The following DPP6 variants were observed in gnomAD, a reference collection of about 807,000 sequenced individuals.
DPP6 encodes dipeptidyl peptidase like 6.
In DPP6, 69 loss-of-function variants were observed where a neutral mutation model predicts 122.6. The observed-to-expected ratio is 0.56, with a 90% CI of 0.46 to 0.69. DPP6 has a LOEUF of 0.69. DPP6 is among the 30% of genes least tolerant of loss of function. The pLI is 0.00. For missense variants in DPP6, 928 were observed against 1,116.9 expected (o/e 0.83, Z 2.41); for synonymous variants, 418 against 433.1 (o/e 0.97, Z 0.43).
At position 154,052,804 on chromosome 7, in the gene DPP6, C is replaced by G. The variant is rs1380172077; in HGVS notation, c.-17C>G. On this transcript the variant is annotated 5_prime_UTR_variant, in exon 1 of 26. Coordinates refer to ENST00000377770, the MANE Select transcript of DPP6 (RefSeq NM_130797.4). This position sits in a 1 kb window ranked among gnomAD's most constrained non-coding sequence, Gnocchi z 4.8. ...ATTAAAAAGCCCCAAAGACAGCCAG[C>G]AGGAGCGCGGTGCCCGATGGCTTCG... 3.3e-6 allele frequency: 5 copies of G among 1,510,140 alleles called. No individual in the cohort carries two copies. Among genetic ancestry groups the G allele is most frequent in the Non-Finnish European group, 4.4e-6 (5 of 1,127,104 alleles). 93.5% of individuals were successfully genotyped at this position (1,510,140 alleles called of 1,614,324 possible).
At chr7:154,095,321 G>A (rs1384410450) in intron 1 of DPP6, 1 of 143,356 alleles carries the variant, frequency 7.0e-6, no homozygotes, top group Non-Finnish European at 1.6e-5. Context: ...CTCTGAGCAC[G>A]TGGCAGAAAT....
intron 1 of DPP6, among the ~76,000 whole-genome samples, chr7:154,317,195 G>A (rs1164902931): frequency 6.6e-6 from 1 of 152,106 alleles, no homozygotes; most frequent in Non-Finnish European, 1.5e-5. Flanking sequence ...CACTGCAGCT[G>A]TGCTTGAAAT....
intron 6 of DPP6, among the ~76,000 whole-genome samples, chr7:154,639,680 C>T (rs1407108720): frequency 6.6e-6 from 1 of 152,008 alleles, no homozygotes; most frequent in Non-Finnish European, 1.5e-5. Flanking sequence ...GTTGAAGGCT[C>T]GGCTTCTGCA....
intron 2 of DPP6, among the ~76,000 whole-genome samples, chr7:154,461,212 G>A (rs562557598): frequency 2.6e-5 from 4 of 152,154 alleles, no homozygotes; most frequent in Admixed American, 6.5e-5. Flanking sequence ...TTTTTTTGTG[G>A]CTGAATAGTA....
At chr7:154,310,510 T>C (rs10250424) in intron 1 of DPP6, among the ~76,000 whole-genome samples, 12,360 of 152,272 alleles carry the variant, frequency 0.081, 930 homozygotes, top group African/African-American at 0.2. Flanking sequence ...ATGGAAACAG[T>C]GTTTCTGTTT....
chr7:154,820,346 C>T (rs1261319172), intron 16 of DPP6, among the ~76,000 whole-genome samples: 1 of 152,152 alleles, frequency 6.6e-6, no homozygotes, highest in Non-Finnish European at 1.5e-5. Flanking sequence ...ACCTTTACCA[C>T]ACAGAGCGGT....
At chr7:154,420,950 A>T (rs189087447) in intron 1 of DPP6, among the ~76,000 whole-genome samples, 161 of 152,332 alleles carry the variant, frequency 1.1e-3, no homozygotes, top group Middle Eastern at 6.8e-3. Flanking sequence ...AAGAGAGATG[A>T]TCTTATATGA....
intron 1 of DPP6, among the ~76,000 whole-genome samples, chr7:153,900,422 C>T (rs904689084): frequency 6.6e-6 from 1 of 152,104 alleles, no homozygotes; most frequent in African/African-American, 2.4e-5. Context: ...GCAAGCTGTA[C>T]AAGAAGCACA....
At chr7:154,584,696 G>T (rs925388221) in intron 5 of DPP6, among the ~76,000 whole-genome samples, 1 of 152,274 alleles carries the variant, frequency 6.6e-6, no homozygotes, top group Non-Finnish European at 1.5e-5. Context: ...TAAGAGGTCT[G>T]TTCTGTTGAA....
chr7:153,970,845 C>G (rs1378288937), intron 1 of DPP6, among the ~76,000 whole-genome samples: 1 of 152,118 alleles, frequency 6.6e-6, no homozygotes, highest in Non-Finnish European at 1.5e-5. Flanking sequence ...TTCCATTGAT[C>G]TATTTGACTA....
At chr7:154,694,715 C>A (rs999640205) in intron 7 of DPP6, among the ~76,000 whole-genome samples, 2 of 152,180 alleles carry the variant, frequency 1.3e-5, no homozygotes, top group Non-Finnish European at 2.9e-5. Context: ...TGAAGATGAG[C>A]TTCTGATCTC....
At chr7:154,360,974 A>G (rs1811674900) in intron 1 of DPP6, among the ~76,000 whole-genome samples, 1 of 151,958 alleles carries the variant, frequency 6.6e-6, no homozygotes, top group Admixed American at 6.6e-5. Flanking sequence ...CAGATGCTGA[A>G]CTCCATGGGC....
At chr7:154,173,199 A>T (rs1797622837) in intron 1 of DPP6, among the ~76,000 whole-genome samples, 1 of 152,218 alleles carries the variant, frequency 6.6e-6, no homozygotes, top group South Asian at 2.1e-4. Context: ...CATTACCAGT[A>T]TTTGTATAAC....
intron 16 of DPP6, among the ~76,000 whole-genome samples, chr7:154,840,917 C>T (rs13241033): frequency 0.14 from 21,872 of 152,128 alleles, 1,612 homozygotes; most frequent in South Asian, 0.21. Context: ...TTCATCCTAT[C>T]GGCGACTGTC....
chr7:154,499,434 C>G (rs34249845), intron 3 of DPP6, among the ~76,000 whole-genome samples: 2 of 151,998 alleles, frequency 1.3e-5, no homozygotes, highest in African/African-American at 4.8e-5. Flanking sequence ...ATAGGTGTGC[C>G]TGCAGTCACT....
intron 5 of DPP6, among the ~76,000 whole-genome samples, chr7:154,621,925 G>A (rs993261543): frequency 2.6e-5 from 4 of 152,178 alleles, no homozygotes; most frequent in Non-Finnish European, 5.9e-5. Context: ...AGTACTAACT[G>A]TGCAAACGTG....
chr7:154,383,151 T>C (rs534289172), intron 1 of DPP6, among the ~76,000 whole-genome samples: 1 of 152,328 alleles, frequency 6.6e-6, no homozygotes, highest in East Asian at 1.9e-4. Context: ...ACTACAGCTG[T>C]TATTAATGTG....
At chr7:154,436,649 C>T (rs902620337) in intron 1 of DPP6, among the ~76,000 whole-genome samples, 1 of 152,170 alleles carries the variant, frequency 6.6e-6, no homozygotes, top group Non-Finnish European at 1.5e-5. Context: ...TGTAAACTCA[C>T]AGCTTAATGG....
chr7:154,625,436 G>A (rs1835003965), intron 5 of DPP6, among the ~76,000 whole-genome samples: 1 of 152,156 alleles, frequency 6.6e-6, no homozygotes, highest in Admixed American at 6.5e-5. Flanking sequence ...TTTAGACACA[G>A]GCTGCCTACA....
Sources: gnomAD v4.1 joint callset for allele counts (sites outside exome capture counted in the v4.1 genomes callset) on GRCh38, gnomAD v4.1.1 for gene constraint, Gnocchi (gnomAD v3.1) non-coding constraint, MANE v1.5 for transcripts, NCBI Gene and HGNC (gene_info 2026-07-23, HGNC 2026-07-21) for gene names.